CHODL: variants seen among roughly 807,000 people sequenced by gnomAD.
CHODL encodes the protein transmembrane protein MT75.
A neutral mutation model predicts 34.5 loss-of-function variants in CHODL; 29 were observed. The observed-to-expected ratio is 0.84, with a 90% confidence interval of 0.63 to 1.15. CHODL has a LOEUF of 1.15. CHODL is among the 50% of genes most tolerant of loss of function. CHODL has a pLI of 0.00. For missense variants in CHODL, 332 were observed against 332.5 expected, an observed-to-expected ratio of 1.00 and a Z score of 0.01; for synonymous variants, 125 against 116.1, an observed-to-expected ratio of 1.08 and a Z score of -0.49.
chr21:17,952,783 A>C (rs187160647), intron 1 of CHODL, among the ~76,000 whole-genome samples: 157 of 152,294 alleles, frequency 1.0e-3, no homozygotes, highest in Admixed American at 3.0e-3. Flanking sequence ...GACACTACCC[A>C]AGACTGGATA....
At position 18,196,073 on chromosome 21, in the gene CHODL, C is replaced by A. The variant is rs568830502; in HGVS notation, c.-44-60436C>A. On this transcript the variant is annotated intron_variant, in intron 2 of 6. Coordinates refer to the CHODL transcript ENST00000400127. Reference sequence around the variant, plus strand: ...TTGGATCAGAATTATGTCCAAGGTGCTTTCCAGCTCTACATATGTACATTT... The same window carrying A: ...TTGGATCAGAATTATGTCCAAGGTGATTTCCAGCTCTACATATGTACATTT... Among the ~76,000 whole-genome samples, 6 of 152,284 alleles carry A rather than the reference C, an allele frequency of 3.9e-5. No individual in the cohort carries two copies. In the South Asian group the frequency reaches 8.3e-4, roughly 21 times the overall value.
At chr21:18,184,358 A>G (rs927500141) in intron 2 of CHODL, among the ~76,000 whole-genome samples, 2 of 152,322 alleles carry the variant, frequency 1.3e-5, no homozygotes, top group African/African-American at 4.8e-5. Context: ...TTCTTTCAGT[A>G]TAATACTAAG....
intron 1 of CHODL, among the ~76,000 whole-genome samples, chr21:18,254,397 G>C (rs574076504): frequency 3.3e-5 from 5 of 152,092 alleles, no homozygotes; most frequent in African/African-American, 4.8e-5. Flanking sequence ...AGCTAAAATA[G>C]GGCAAGACTC....
At chr21:18,128,962 C>A (rs550481178) in intron 2 of CHODL, among the ~76,000 whole-genome samples, 20 of 152,128 alleles carry the variant, frequency 1.3e-4, no homozygotes, top group Non-Finnish European at 2.6e-4. Flanking sequence ...AATAATTATA[C>A]CCCACTTTGT....
intron 2 of CHODL, among the ~76,000 whole-genome samples, chr21:18,232,941 T>TTATATATATATA (rs752640406): frequency 0.011 from 1,105 of 97,452 alleles, 42 homozygotes; most frequent in African/African-American, 0.024. Context: ...CATGATGTTA[T>TTATATATATATA]GATATATATA....
chr21:18,236,925 G>T (rs78741535), intron 2 of CHODL, among the ~76,000 whole-genome samples: 1,921 of 152,142 alleles, frequency 0.013, 32 homozygotes, highest in African/African-American at 0.044. Context: ...ACACTGTTAG[G>T]CATGGAGGAT....
At chr21:17,966,695 C>T (rs2063574409) in intron 1 of CHODL, among the ~76,000 whole-genome samples, 1 of 152,086 alleles carries the variant, frequency 6.6e-6, no homozygotes, top group Non-Finnish European at 1.5e-5. Context: ...GAGTTGGGGT[C>T]ATTAACTTCA....
intron 2 of CHODL, among the ~76,000 whole-genome samples, chr21:18,055,914 G>A (rs2064574363): frequency 1.3e-5 from 2 of 151,970 alleles, no homozygotes; most frequent in African/African-American, 4.8e-5. Flanking sequence ...ATGGTGACAT[G>A]ATGATATCTC....
At chr21:18,116,650 A>T (rs2065416587) in intron 2 of CHODL, among the ~76,000 whole-genome samples, 1 of 152,182 alleles carries the variant, frequency 6.6e-6, no homozygotes, top group Non-Finnish European at 1.5e-5. Context: ...GGAGTCTGAG[A>T]CTGAAGAGCA....
At chr21:18,163,660 T>C (rs947456948) in intron 2 of CHODL, among the ~76,000 whole-genome samples, 1 of 152,200 alleles carries the variant, frequency 6.6e-6, no homozygotes, top group African/African-American at 2.4e-5. Context: ...ATGGTTTGCA[T>C]TATAGTACAT....
At chr21:18,225,339 T>C (rs2073921468) in intron 2 of CHODL, among the ~76,000 whole-genome samples, 1 of 152,106 alleles carries the variant, frequency 6.6e-6, no homozygotes, top group African/African-American at 2.4e-5. Context: ...GTAACAAAAG[T>C]GTTTGGTCTT....
intron 2 of CHODL, among the ~76,000 whole-genome samples, chr21:18,172,219 G>A (rs1333504649): frequency 6.6e-6 from 1 of 151,970 alleles, no homozygotes; most frequent in Non-Finnish European, 1.5e-5. Flanking sequence ...AGCAGGTGTT[G>A]TGTTAGACAG....
chr21:18,203,101 TA>T (rs2073673360), intron 2 of CHODL, among the ~76,000 whole-genome samples: 1 of 152,226 alleles, frequency 6.6e-6, no homozygotes, highest in South Asian at 2.1e-4. Flanking sequence ...AAACTAATTT[TA>T]AAATTGTCAA....
At chr21:18,184,459 G>C (rs1460692388) in intron 2 of CHODL, among the ~76,000 whole-genome samples, 1 of 152,136 alleles carries the variant, frequency 6.6e-6, no homozygotes, top group Non-Finnish European at 1.5e-5. Context: ...AATGATGATA[G>C]GAATAAGCAC....
intron 2 of CHODL, among the ~76,000 whole-genome samples, chr21:18,177,654 C>A (rs753283194): frequency 1.3e-5 from 2 of 152,024 alleles, no homozygotes; most frequent in African/African-American, 2.4e-5. Context: ...TGAACAAAAT[C>A]GTACCAGTCT....
chr21:18,108,035 C>A (rs2065295239), intron 2 of CHODL, among the ~76,000 whole-genome samples: 2 of 152,170 alleles, frequency 1.3e-5, no homozygotes, highest in Admixed American at 1.3e-4. Context: ...GTCTTTCATG[C>A]ATTTGGCAAT....
chr21:18,211,861 G>C (rs1011319300), intron 2 of CHODL, among the ~76,000 whole-genome samples: 1 of 151,930 alleles, frequency 6.6e-6, no homozygotes, highest in Non-Finnish European at 1.5e-5. Flanking sequence ...TTTTTTATTT[G>C]TTTGTCCACC....
chr21:18,048,836 G>A (rs972195973), intron 2 of CHODL, among the ~76,000 whole-genome samples: 73 of 151,786 alleles, frequency 4.8e-4, no homozygotes, highest in Non-Finnish European at 5.3e-4. Context: ...TCCTTCTGGG[G>A]GGCAGAAATG....
At position 18,256,633 on chromosome 21, in the gene CHODL, C is replaced by T. The variant is rs752270530; in HGVS notation, c.204C>T (p.Leu68=). The part of the protein sequence containing the change: ...RLACESEGGV[L]LSLENEAEQK... The stretch of plus-strand genomic sequence containing the variant: ...CTTGTGAGAGTGAGGGAGGAGTCCT[C>T]CTCAGCCTTGAGAATGAAGCAGAAC... Residue 68 remains leucine (L), a synonymous_variant, in exon 2 of 6, where the codon CTC becomes CTT. Coordinates refer to ENST00000299295, the MANE Select transcript of CHODL (RefSeq NM_024944.3). 3.7e-6 allele frequency: 6 copies of T among 1,613,866 alleles called. No homozygotes were observed. The highest frequency in any genetic ancestry group is 4.2e-6 in the Non-Finnish European group (5 of 1,180,016).
Sources: gnomAD v4.1 joint callset for allele counts (sites outside exome capture counted in the v4.1 genomes callset) on GRCh38, gnomAD v4.1.1 for gene constraint, MANE v1.5 for transcripts, NCBI Gene and HGNC (gene_info 2026-07-23, HGNC 2026-07-21) for gene names.